The following SYNPR variants were observed in gnomAD, a reference collection of about 807,000 sequenced individuals.
SYNPR encodes synaptoporin.
In SYNPR, 23 loss-of-function variants were observed where a neutral mutation model predicts 32.9. That is an observed-to-expected ratio of 0.70 (90% CI 0.50 to 0.99). SYNPR has a LOEUF of 0.99. Ranked by LOEUF, SYNPR falls within the 50% of genes least tolerant of loss-of-function variation. The pLI, the probability that SYNPR is intolerant of heterozygous loss-of-function variation, is 0.00. For missense variants in SYNPR, 318 were observed against 349.3 expected (o/e 0.91, Z 0.71); for synonymous variants, 146 against 135.9 (o/e 1.07, Z -0.52).
chr3:63,286,976 C>T (rs2086690234), intron 2 of SYNPR, among the ~76,000 whole-genome samples: 1 of 152,184 alleles, frequency 6.6e-6, no homozygotes, highest in Non-Finnish European at 1.5e-5. Context: ...GGACAGAGCA[C>T]AGGGTGAGGT....
chr3:63,467,562 T>C (rs1164449578), intron 2 of SYNPR, among the ~76,000 whole-genome samples: 1 of 152,156 alleles, frequency 6.6e-6, no homozygotes, highest in African/African-American at 2.4e-5. Context: ...CACAGAGTTA[T>C]GAGATTTCAA....
At chr3:63,286,162 G>A (rs1302232417) in intron 2 of SYNPR, among the ~76,000 whole-genome samples, 1 of 152,104 alleles carries the variant, frequency 6.6e-6, no homozygotes, top group African/African-American at 2.4e-5. Flanking sequence ...ACCATAGTAT[G>A]AGTGACTCTT....
chr3:63,335,121 G>A (rs536305478), intron 2 of SYNPR, among the ~76,000 whole-genome samples: 6 of 152,266 alleles, frequency 3.9e-5, no homozygotes, highest in Admixed American at 1.3e-4. Context: ...TTGGGAGGCC[G>A]AGGCGGGTGG....
intron 2 of SYNPR, among the ~76,000 whole-genome samples, chr3:63,309,544 A>G (rs2086941589): frequency 6.6e-6 from 1 of 152,044 alleles, no homozygotes; most frequent in African/African-American, 2.4e-5. Flanking sequence ...GTTAAGTAGG[A>G]TCAGAGAGGT....
intron 2 of SYNPR, among the ~76,000 whole-genome samples, chr3:63,372,418 C>T (rs796960104): frequency 5.3e-5 from 8 of 152,166 alleles, no homozygotes; most frequent in African/African-American, 9.7e-5. Context: ...GCCACTGCAG[C>T]GATACTGCCT....
intron 2 of SYNPR, among the ~76,000 whole-genome samples, chr3:63,299,711 T>G (rs1246463491): frequency 6.6e-6 from 1 of 152,154 alleles, no homozygotes; most frequent in Non-Finnish European, 1.5e-5. Flanking sequence ...CTCATTGATA[T>G]TAACCAAATG....
intron 3 of SYNPR, among the ~76,000 whole-genome samples, chr3:63,518,153 A>G (rs994356921): frequency 2.0e-5 from 3 of 152,172 alleles, no homozygotes; most frequent in East Asian, 1.9e-4. Flanking sequence ...ACAATCACCT[A>G]CATCCTTTCA....
At chr3:63,434,786 A>G (rs1231490817) in intron 2 of SYNPR, among the ~76,000 whole-genome samples, 1 of 152,266 alleles carries the variant, frequency 6.6e-6, no homozygotes, top group African/African-American at 2.4e-5. Context: ...ATAAAAAATA[A>G]TAGAAGGAAA....
the SYNPR span, among the ~76,000 whole-genome samples, chr3:63,205,754 A>G: frequency 6.6e-6 from 1 of 152,228 alleles, no homozygotes; most frequent in African/African-American, 2.4e-5. Context: ...TACGCACGAT[A>G]GCGCTCTCTA....
At chr3:63,273,811 C>A (rs1381884195), upstream of SYNPR, among the ~76,000 whole-genome samples, 2 of 152,140 alleles carry the variant, frequency 1.3e-5, no homozygotes, top group East Asian at 1.9e-4. Flanking sequence ...TATACATATT[C>A]TTGCATGTTT....
At chr3:63,220,983 G>A in the SYNPR span, among the ~76,000 whole-genome samples, 2 of 152,170 alleles carry the variant, frequency 1.3e-5, no homozygotes, top group Non-Finnish European at 2.9e-5. Flanking sequence ...TAACTGATGT[G>A]TCTTCTCTTT....
intron 2 of SYNPR, among the ~76,000 whole-genome samples, chr3:63,257,400 A>T (rs111761471): frequency 0.078 from 11,848 of 152,254 alleles, 1,328 homozygotes; most frequent in African/African-American, 0.25. Context: ...CAGACGAAAG[A>T]GGAGGCCAAT....
At chr3:63,279,423 C>A (rs370993604) in intron 2 of SYNPR, among the ~76,000 whole-genome samples, 19 of 152,278 alleles carry the variant, frequency 1.2e-4, no homozygotes, top group Admixed American at 1.1e-3. Flanking sequence ...CTTTCTTCAG[C>A]GACTGGGCTT....
chr3:63,575,631 T>G (rs953346302), intron 4 of SYNPR, among the ~76,000 whole-genome samples: 17 of 152,006 alleles, frequency 1.1e-4, no homozygotes, highest in African/African-American at 3.9e-4. Context: ...TCAGAGAAAA[T>G]GTCAGTTTAC....
At chr3:63,210,510 T>C in the SYNPR span, among the ~76,000 whole-genome samples, 2 of 152,258 alleles carry the variant, frequency 1.3e-5, no homozygotes, top group Non-Finnish European at 2.9e-5. Flanking sequence ...GCAAGCAAAG[T>C]TGATTTGGTT....
rs1575667090 is a variant in SYNPR at position 63,480,957 on chromosome 3, G to A, written c.209+1G>A. Reference sequence around the variant, plus strand: ...ACATAGCGTTTGCCTACCCATTCAGGTAGGGAATGGTGGTTCATGCTTGTT... The same window carrying A: ...ACATAGCGTTTGCCTACCCATTCAGATAGGGAATGGTGGTTCATGCTTGTT... On this transcript the variant is annotated splice_donor_variant, in intron 3 of 5. Coordinates refer to ENST00000478300, the MANE Select transcript of SYNPR (RefSeq NM_001130003.2). LOFTEE classifies it high-confidence loss of function. 6.2e-7 allele frequency: 1 copy of A among 1,611,470 alleles called. No homozygotes were observed. Among genetic ancestry groups the A allele is most frequent in the Non-Finnish European group, 8.5e-7 (1 of 1,178,234 alleles).
intron 2 of SYNPR, among the ~76,000 whole-genome samples, chr3:63,340,596 T>C (rs1034313125): frequency 2.6e-5 from 4 of 151,718 alleles, no homozygotes; most frequent in African/African-American, 9.7e-5. Flanking sequence ...ATTTTTTGTA[T>C]TTTTAGTAGA....
intron 2 of SYNPR, among the ~76,000 whole-genome samples, chr3:63,281,617 T>C (rs922140827): frequency 2.0e-5 from 3 of 152,134 alleles, no homozygotes; most frequent in African/African-American, 4.8e-5. Flanking sequence ...GTCTGTCCCT[T>C]ATAAGAACAC....
chr3:63,543,654 C>T (rs1453201676), intron 3 of SYNPR, among the ~76,000 whole-genome samples: 1 of 152,014 alleles, frequency 6.6e-6, no homozygotes, highest in African/African-American at 2.4e-5. Context: ...TCCAGTCTTT[C>T]CTATCAAACC....
Sources: gnomAD v4.1 joint callset for allele counts (sites outside exome capture counted in the v4.1 genomes callset) on GRCh38, gnomAD v4.1.1 for gene constraint, MANE v1.5 for transcripts, NCBI Gene and HGNC (gene_info 2026-07-23, HGNC 2026-07-21) for gene names.